LYPD6B: variants seen among roughly 807,000 people sequenced by gnomAD.
The protein encoded by LYPD6B is LY6/PLAUR domain containing 6B, also known as ly6/PLAUR domain-containing protein 6B.
Under a neutral mutation model 22.8 loss-of-function variants are expected in LYPD6B, and 17 were observed. The observed-to-expected ratio is 0.75, with a 90% CI of 0.51 to 1.12. The LOEUF (loss-of-function observed/expected upper bound fraction) is 1.12. Among genes scored for constraint, LYPD6B ranks in the 50% most tolerant of loss-of-function variants. The probability of loss-of-function intolerance (pLI) is 0.00; values close to 1 mark genes in which losing one functional copy is unlikely to be tolerated. For missense variants in LYPD6B, 221 were observed against 258.3 expected (o/e 0.86, Z 0.99); for synonymous variants, 106 against 91.6 (o/e 1.16, Z -0.90).
chr2:149,094,125 T>A (rs985302679), intron 1 of LYPD6B, among the ~76,000 whole-genome samples: 6 of 152,230 alleles, frequency 3.9e-5, no homozygotes, highest in African/African-American at 1.4e-4. Context: ...AATTATCTAC[T>A]TAATTTTTGG....
At chr2:149,213,652 A>G (rs779796054) in intron 6 of LYPD6B, among the ~76,000 whole-genome samples, 2 of 152,182 alleles carry the variant, frequency 1.3e-5, no homozygotes, top group Non-Finnish European at 2.9e-5. Context: ...AGGTTTTAGA[A>G]TTTGATTTAC....
chr2:149,204,363 C>T lies in LYPD6B; in HGVS notation c.78-890C>T, dbSNP rs1339346649. On this transcript the variant is annotated intron_variant, in intron 3 of 6. Transcript: ENST00000409642. ...TCTGCTGCCCACACCTCCTCCTTGT[C>T]AAAGGAAACCTGTCAGTGGTGACAT... Among the ~76,000 whole-genome samples the T allele has an allele frequency of 2.6e-5, 4 of 152,170 alleles. No homozygotes were observed. The East Asian group carries it at 7.7e-4, about 29-fold the overall frequency.
chr2:149,048,278 T>C (rs1683399913), intron 1 of LYPD6B, among the ~76,000 whole-genome samples: 1 of 152,214 alleles, frequency 6.6e-6, no homozygotes. Context: ...TTACCAGGCC[T>C]TTAGTGTGAA....
intron 1 of LYPD6B, among the ~76,000 whole-genome samples, chr2:149,116,372 A>G (rs1687006303): frequency 6.6e-6 from 1 of 152,194 alleles, no homozygotes; most frequent in African/African-American, 2.4e-5. Flanking sequence ...GATCTACTGT[A>G]CTGTGTCAGA....
At chr2:149,183,630 T>A (rs56012178) in intron 3 of LYPD6B, among the ~76,000 whole-genome samples, 1,984 of 152,252 alleles carry the variant, frequency 0.013, 37 homozygotes, top group African/African-American at 0.045. Flanking sequence ...GAGTTAGTAA[T>A]GCTTCATAAC....
intron 1 of LYPD6B, among the ~76,000 whole-genome samples, chr2:149,071,819 A>G (rs1469580738): frequency 6.6e-6 from 1 of 152,238 alleles, no homozygotes; most frequent in African/African-American, 2.4e-5. Context: ...AAGGTCTCTC[A>G]GTCCAGATTT....
Position 149,205,322 on chromosome 2 carries a change from T to C in LYPD6B, c.147T>C (p.Ala49=). The C allele has an allele frequency of 6.2e-7, 1 of 1,614,004 alleles. No homozygotes were observed. The highest frequency in any genetic ancestry group is 1.3e-5 in the African/African-American group (1 of 75,052). The change falls in exon 4 of 7, where the codon GCT becomes GCC. Residue 49 remains alanine, a synonymous_variant. Transcript: ENST00000409642. Reference sequence around the variant, plus strand: ...TCCTCTGTCACGCTCTCGCTATAGCTGTTGTCCAGATCGTTATCTTCTCAG... The same window carrying C: ...TCCTCTGTCACGCTCTCGCTATAGCCGTTGTCCAGATCGTTATCTTCTCAG... ...MLLLCHALAI[A]VVQIVIFSES...
intron 1 of LYPD6B, among the ~76,000 whole-genome samples, chr2:149,082,093 C>A (rs553083234): frequency 6.6e-6 from 1 of 152,310 alleles, no homozygotes; most frequent in African/African-American, 2.4e-5. Flanking sequence ...TGCCTAACTT[C>A]CTCGATGTTT....
chr2:149,179,482 C>G (rs991954913), intron 3 of LYPD6B, among the ~76,000 whole-genome samples: 23 of 152,188 alleles, frequency 1.5e-4, no homozygotes, highest in African/African-American at 5.3e-4. Flanking sequence ...AAAAGACAGA[C>G]TCTATAGCTC....
intron 2 of LYPD6B, among the ~76,000 whole-genome samples, chr2:149,147,526 G>A (rs1467978583): frequency 6.6e-6 from 1 of 152,022 alleles, no homozygotes; most frequent in African/African-American, 2.4e-5. Context: ...TTGTTTGTTT[G>A]TTTTTGAGAT....
chr2:149,113,295 C>T (rs1686849204), intron 1 of LYPD6B, among the ~76,000 whole-genome samples: 1 of 151,988 alleles, frequency 6.6e-6, no homozygotes, highest in Non-Finnish European at 1.5e-5. Flanking sequence ...GTATGTGATC[C>T]CCCTACTTAA....
intron 1 of LYPD6B, among the ~76,000 whole-genome samples, chr2:149,053,870 C>T (rs960660439): frequency 4.6e-5 from 7 of 152,342 alleles, no homozygotes; most frequent in Non-Finnish European, 8.8e-5. Flanking sequence ...GTTTCTTTCA[C>T]TTGGCATATG....
At chr2:149,187,673 T>A (rs2106032241) in intron 3 of LYPD6B, 1 of 579,864 alleles carries the variant, frequency 1.7e-6, no homozygotes, top group East Asian at 3.4e-5. Context: ...GTGGGCCACA[T>A]TAGAAGAAGA....
intron 1 of LYPD6B, among the ~76,000 whole-genome samples, chr2:149,093,480 C>T (rs781124505): frequency 1.4e-4 from 21 of 152,330 alleles, no homozygotes; most frequent in Non-Finnish European, 1.8e-4. Context: ...GTCCATCATT[C>T]TGAGACAATC....
At chr2:149,214,163 GA>G (rs1344613430) in intron 6 of LYPD6B, among the ~76,000 whole-genome samples, 1 of 152,180 alleles carries the variant, frequency 6.6e-6, no homozygotes, top group Non-Finnish European at 1.5e-5. Flanking sequence ...GTAGCACTGA[GA>G]AAGAAAATCA....
intron 1 of LYPD6B, among the ~76,000 whole-genome samples, chr2:149,074,002 T>C (rs1684766022): frequency 6.6e-6 from 1 of 152,012 alleles, no homozygotes; most frequent in South Asian, 2.1e-4. Flanking sequence ...GGAGACTCAA[T>C]AGAAAATCAG....
intron 1 of LYPD6B, among the ~76,000 whole-genome samples, chr2:149,130,038 G>A (rs6713462): frequency 1.3e-5 from 2 of 151,956 alleles, no homozygotes; most frequent in African/African-American, 2.4e-5. Flanking sequence ...GGGTACACCC[G>A]CCTCTTTCTG....
intron 2 of LYPD6B, among the ~76,000 whole-genome samples, chr2:149,139,400 C>T (rs1355959570): frequency 1.3e-5 from 2 of 152,152 alleles, no homozygotes; most frequent in African/African-American, 4.8e-5. Flanking sequence ...AGATGGAGAC[C>T]ATCAGATATA....
At chr2:149,070,495 A>G (rs894783676) in intron 1 of LYPD6B, among the ~76,000 whole-genome samples, 7 of 152,070 alleles carry the variant, frequency 4.6e-5, no homozygotes, top group African/African-American at 1.7e-4. Flanking sequence ...TCCTAAGACT[A>G]TGGTAATTGT....
Sources: allele counts gnomAD v4.1 joint callset (sites outside exome capture counted in the v4.1 genomes callset), GRCh38; gene constraint gnomAD v4.1.1; transcripts MANE v1.5; gene names NCBI Gene and HGNC (gene_info 2026-07-23, HGNC 2026-07-21).